ZNF681: variants seen among roughly 807,000 people sequenced by gnomAD.
The protein encoded by ZNF681 is zinc finger protein 681, also known as hypothetical protein FLJ31526.
ZNF681 carries 37 observed loss-of-function variants against 56.0 expected under a neutral mutation model. The observed-to-expected ratio is 0.66, with a 90% CI of 0.51 to 0.87. ZNF681 has a LOEUF of 0.87. Ranked by LOEUF, ZNF681 falls within the 40% of genes least tolerant of loss-of-function variation. ZNF681 has a pLI of 0.00. For missense variants in ZNF681, 741 were observed against 744.9 expected (o/e 0.99, Z 0.06); for synonymous variants, 225 against 248.6 (o/e 0.91, Z 0.89).
chr19:23,752,890 G>T (rs1478923205), intron 3 of ZNF681, among the ~76,000 whole-genome samples: 2 of 151,882 alleles, frequency 1.3e-5, no homozygotes, highest in East Asian at 1.9e-4. Flanking sequence ...CGTGGCAAAA[G>T]AATTAGTCAA....
rs893952285 is a variant in ZNF681, at chr19:23,740,821, T to C, written c.*2791A>G. 4 of 152,126 alleles carry C rather than the reference T, an allele frequency of 2.6e-5. No individual in the cohort carries two copies. The highest frequency in any genetic ancestry group is 9.7e-5 in the African/African-American group (4 of 41,446). The allele number at this position is 152,126 out of a possible 1,614,324, so 9.4% of individuals were successfully genotyped here. ...ACAATACACTAATTTTGAAATTAAA[T>C]CTAAATTTTTTGCACTAATTTTATA... On this transcript the variant is annotated 3_prime_UTR_variant, in exon 4 of 4. Coordinates refer to ENST00000402377, the MANE Select transcript of ZNF681 (RefSeq NM_138286.3).
chr19:23,758,816 T>C lies in ZNF681; in HGVS notation c.-67A>G, dbSNP rs1161605326. 6.2e-7 allele frequency: 1 copy of C among 1,608,644 alleles called. No individual in the cohort carries two copies. Among genetic ancestry groups the C allele is most frequent in the Non-Finnish European group, 8.5e-7 (1 of 1,175,620 alleles). ...CCAATACCTGCAGGTCAGAGGGCCA[T>C]AGAGGCTGGGCCTCTAGAAGAAGAG... On this transcript the variant is annotated 5_prime_UTR_variant, in exon 1 of 4. It removes an upstream start codon present in the reference 5' UTR. Coordinates refer to ENST00000402377, the MANE Select transcript of ZNF681 (RefSeq NM_138286.3).
At position 23,755,586 on chromosome 19, in the gene ZNF681, C is replaced by A. The variant is rs556717012; in HGVS notation, c.4-35G>T. ...ACACACACACACACACACACACACA[C>A]ACACACACACACATACACATTTAGA... On this transcript the variant is annotated intron_variant, in intron 1 of 3. Transcript: ENST00000402377. 6 of 1,442,404 alleles carry A rather than the reference C, an allele frequency of 4.2e-6. No homozygotes were observed. The Admixed American group carries it at 9.6e-5, about 23-fold the overall frequency. 89.4% of individuals were successfully genotyped at this position (1,442,404 alleles called of 1,614,324 possible). A position where few individuals can be genotyped will look rare whatever the true frequency, so the allele number is the denominator to read the frequency against.
chr19:23,745,988 A>G (rs1968939250), intron 3 of ZNF681, among the ~76,000 whole-genome samples: 1 of 152,164 alleles, frequency 6.6e-6, no homozygotes, highest in Non-Finnish European at 1.5e-5. Context: ...TGTTTTGCAT[A>G]CAGCAGCACA....
rs1425526485 is a variant in ZNF681 at position 23,739,999 on chromosome 19, T to C, written c.*3613A>G. 6.6e-6 allele frequency: 1 copy of C among 152,190 alleles called. No homozygotes were observed. Among genetic ancestry groups the C allele is most frequent in the Non-Finnish European group, 1.5e-5 (1 of 68,028 alleles). The allele number at this position is 152,190 out of a possible 1,614,324, so 9.4% of individuals were successfully genotyped here. A position where few individuals can be genotyped will look rare whatever the true frequency, so the allele number is the denominator to read the frequency against. On this transcript the variant is annotated 3_prime_UTR_variant, in exon 4 of 4. Coordinates refer to ENST00000402377, the MANE Select transcript of ZNF681 (RefSeq NM_138286.3). ...CGTACATTGTGGCATAAGTATACTG[T>C]AGAAAATTAAATTAAAAGTTTAATT...
At position 23,744,155 on chromosome 19, in the gene ZNF681, A is replaced by G. The variant is rs1968906523; in HGVS notation, c.1395T>C (p.Leu465=). 6.2e-7 allele frequency: 1 copy of G among 1,613,350 alleles called. No homozygotes were observed. Among genetic ancestry groups the G allele is most frequent in the Non-Finnish European group, 8.5e-7 (1 of 1,179,908 alleles). Residue 465 remains leucine, a synonymous_variant, in exon 4 of 4, where the codon CTT becomes CTC. Transcript: ENST00000402377. ...CAGTATGAATTCTTTTATGTGTAGT[A>G]AGGTTTGAGAACTGGTTAAAGGCTT... ...CGKAFNQFSN[L]TTHKRIHTGE...
rs768919769 is a variant in ZNF681, at chr19:23,755,491, C to T, written c.64G>A (p.Asp22Asn). 1.2e-6 allele frequency: 2 copies of T among 1,609,622 alleles called. No homozygotes were observed. Among genetic ancestry groups the T allele is most frequent in the Non-Finnish European group, 1.7e-6 (2 of 1,177,814 alleles). ...EFSLEEWQCL[D>N]TIQQNLYRNV... is the part of the protein sequence containing the mutation. Reference sequence around the variant, plus strand: ...CTATATAAATTCTGCTGTATAGTGTCCAGGCATTGCCACTCCTCCAGAGAG... The same window carrying T: ...CTATATAAATTCTGCTGTATAGTGTTCAGGCATTGCCACTCCTCCAGAGAG... Residue 22 changes from aspartate (D) to asparagine (N), a missense_variant, in exon 2 of 4, where the codon GAC (aspartate) becomes AAC (asparagine). By Grantham distance (23) the Asp-to-Asn change is conservative. Transcript: ENST00000402377.
rs1212052185 is a variant in ZNF681, at chr19:23,740,268, A to G, written c.*3344T>C. 1 of 152,150 alleles carries G rather than the reference A, an allele frequency of 6.6e-6. No individual in the cohort carries two copies. The allele number at this position is 152,150 out of a possible 1,614,324, so 9.4% of individuals were successfully genotyped here. ...GATTTCTCATCAAAACCTACAATAT[A>G]CCATGTGAAATGACATGGTGTGAAG... On this transcript the variant is annotated 3_prime_UTR_variant, in exon 4 of 4. Coordinates refer to ENST00000402377, the MANE Select transcript of ZNF681 (RefSeq NM_138286.3).
chr19:23,740,775 A>G lies in ZNF681; in HGVS notation c.*2837T>C, dbSNP rs2144835148. On this transcript the variant is annotated 3_prime_UTR_variant, in exon 4 of 4. Transcript: ENST00000402377. The stretch of plus-strand genomic sequence containing the variant: ...TCCAATTAAAAGAACAAAATAAAAT[A>G]TTCTAACAACATAAAATATAACAAT... 1 of 152,326 alleles carries G rather than the reference A, an allele frequency of 6.6e-6. No homozygotes were observed. Among genetic ancestry groups the G allele is most frequent in the African/African-American group, 2.4e-5 (1 of 41,586 alleles). 9.4% of individuals were successfully genotyped at this position (152,326 alleles called of 1,614,324 possible).
At position 23,741,177 on chromosome 19, in the gene ZNF681, A is replaced by C. The variant is rs1338923314; in HGVS notation, c.*2435T>G. ...CGCAAAGAAGGCATTTATTTACTCC[A>C]TAATTTTTTTAAACCCAAGCTTTAT... On this transcript the variant is annotated 3_prime_UTR_variant, in exon 4 of 4. Coordinates refer to ENST00000402377, the MANE Select transcript of ZNF681 (RefSeq NM_138286.3). 2 of 152,214 alleles carry C rather than the reference A, an allele frequency of 1.3e-5. No individual in the cohort carries two copies. The highest frequency in any genetic ancestry group is 2.9e-5 in the Non-Finnish European group (2 of 68,030). The allele number at this position is 152,214 out of a possible 1,614,324, so 9.4% of individuals were successfully genotyped here.
intron 3 of ZNF681, among the ~76,000 whole-genome samples, chr19:23,747,461 A>G (rs894098356): frequency 7.9e-5 from 12 of 151,890 alleles, no homozygotes; most frequent in Admixed American, 6.6e-4. Context: ...AACACAGGGA[A>G]ACCCCGTCTC....
At chr19:23,746,286 C>A (rs1196636250) in intron 3 of ZNF681, among the ~76,000 whole-genome samples, 1 of 150,314 alleles carries the variant, frequency 6.7e-6, no homozygotes, top group South Asian at 2.1e-4. Flanking sequence ...TGCAGTCCAG[C>A]CTAGGTGACA....
In ZNF681 at chr19:23,745,270, A is replaced by T. The variant is rs1165752910; in HGVS notation, c.280T>A (p.Ser94Thr). Reference protein sequence around the residue: ...DFSPEQNIKDSFQKVTPRRYG... With the variant: ...DFSPEQNIKDTFQKVTPRRYG... ...CTTCTTGGTGTCACTTTTTGGAAAG[A>T]ATCTTTTATGTTCTGCTCTGGTGAA... The change falls in exon 4 of 4, where the codon TCT becomes ACT. Residue 94 changes from serine to threonine, a missense_variant. Ser to Thr is a moderately conservative substitution (Grantham distance 58). Transcript: ENST00000402377. The T allele has an allele frequency of 1.2e-6, 2 of 1,601,828 alleles. No individual in the cohort carries two copies. The highest frequency in any genetic ancestry group is 1.7e-6 in the Non-Finnish European group (2 of 1,176,674).
chr19:23,748,145 C>G (rs991941272), intron 3 of ZNF681, among the ~76,000 whole-genome samples: 81 of 152,030 alleles, frequency 5.3e-4, no homozygotes, highest in Non-Finnish European at 1.5e-4. Context: ...AAAGTAACTA[C>G]ACTACAAAAT....
chr19:23,743,641 T>C lies in ZNF681; in HGVS notation c.1909A>G (p.Lys637Glu). The C allele has an allele frequency of 2.0e-6, 3 of 1,519,978 alleles. No homozygotes were observed. Among genetic ancestry groups the C allele is most frequent in the Non-Finnish European group, 2.6e-6 (3 of 1,136,390 alleles). The allele number at this position is 1,519,978 out of a possible 1,614,324, so 94.2% of individuals were successfully genotyped here. A position where few individuals can be genotyped will look rare whatever the true frequency, so the allele number is the denominator to read the frequency against. Residue 637 changes from lysine (K) to glutamate (E), a missense_variant, in exon 4 of 4, where the codon AAA (lysine) becomes GAA (glutamate). Physicochemically the swap from Lys to Glu is moderately conservative, Grantham distance 56. Coordinates refer to ENST00000402377, the MANE Select transcript of ZNF681 (RefSeq NM_138286.3). Reference protein sequence around the residue: ...FENTSKFSKHKRNYAGEKS With the variant: ...FENTSKFSKHERNYAGEKS ...GATTTCTCACCAGCATAATTTCTTT[T>C]ATGTTTAGAAAACTTTGAAGTGTTT...
At chr19:23,755,302 T>TC (rs1413687272) in intron 2 of ZNF681, 123 bp downstream of exon 2, 1 of 1,296,938 alleles carries the variant, frequency 7.7e-7, no homozygotes, top group Non-Finnish European at 1.0e-6. Flanking sequence ...CCCTAAGATT[T>TC]TTATAAAAAC....
intron 3 of ZNF681, among the ~76,000 whole-genome samples, chr19:23,750,883 G>A (rs1969018237): frequency 6.6e-6 from 1 of 151,538 alleles, no homozygotes; most frequent in African/African-American, 2.4e-5. Context: ...CAGCACTTTG[G>A]GAGGCTGAGG....
intron 3 of ZNF681, among the ~76,000 whole-genome samples, chr19:23,750,137 T>C (rs1487102059): frequency 6.6e-6 from 1 of 151,006 alleles, no homozygotes; most frequent in African/African-American, 2.4e-5. Context: ...ATACAAAAAA[T>C]ATCTGGGTGT....
At chr19:23,754,553 T>C (rs6511523) in intron 3 of ZNF681, among the ~76,000 whole-genome samples, 148,942 of 152,218 alleles carry the variant, frequency 0.98, 72,960 homozygotes, top group Middle Eastern at 1. Context: ...GTAGTCCCAG[T>C]TACTTGGGAA....
Sources: allele counts gnomAD v4.1 joint callset (sites outside exome capture counted in the v4.1 genomes callset), GRCh38; gene constraint gnomAD v4.1.1; transcripts MANE v1.5; gene names NCBI Gene and HGNC (gene_info 2026-07-23, HGNC 2026-07-21).